The following GPC6 variants were observed in gnomAD, a reference collection of about 807,000 sequenced individuals.
GPC6 encodes glypican 6.
Under a neutral mutation model 55.2 loss-of-function variants are expected in GPC6, and 14 were observed. That is an observed-to-expected ratio of 0.25 (90% CI 0.17 to 0.40). GPC6 has a LOEUF of 0.40. Ranked by LOEUF, GPC6 falls within the 10% of genes least tolerant of loss-of-function variation. The pLI is 1.00. For synonymous variants in GPC6, 278 were observed against 259.6 expected (o/e 1.07, Z -0.68); for missense variants, 641 against 708.5 (o/e 0.90, Z 1.08).
intron 2 of GPC6, among the ~76,000 whole-genome samples, chr13:93,652,821 T>A (rs1311411001): frequency 6.6e-6 from 1 of 152,230 alleles, no homozygotes; most frequent in Non-Finnish European, 1.5e-5. Context: ...AGACTTTGAA[T>A]GTTACATTTT....
At chr13:93,883,000 C>G (rs1875090932) in intron 3 of GPC6, among the ~76,000 whole-genome samples, 1 of 151,986 alleles carries the variant, frequency 6.6e-6, no homozygotes, top group Admixed American at 6.6e-5. Context: ...TTTCCAGGGC[C>G]TTGAATCTCT....
At position 94,407,631 on chromosome 13, in the gene GPC6, G is replaced by A. The variant is rs569167860; in HGVS notation, c.*4414G>A. 3.9e-5 allele frequency among the ~76,000 whole-genome samples: 6 copies of A among 152,246 alleles called. No homozygotes were observed. The highest frequency in any genetic ancestry group is 1.2e-4 in the African/African-American group (5 of 41,570). On this transcript the variant is annotated 3_prime_UTR_variant, in exon 9 of 9. Transcript: ENST00000377047. Reference sequence around the variant, plus strand: ...AAATGTGTATGGAAAATACTGTAGCGCTGTTCTTTTGTACTGATTTCTTCT... The same window carrying A: ...AAATGTGTATGGAAAATACTGTAGCACTGTTCTTTTGTACTGATTTCTTCT...
At chr13:94,210,100 A>G (rs1890032746) in intron 4 of GPC6, among the ~76,000 whole-genome samples, 1 of 151,748 alleles carries the variant, frequency 6.6e-6, no homozygotes, top group Non-Finnish European at 1.5e-5. Context: ...CTCCCTCCTT[A>G]GTCTCACAAA....
intron 1 of GPC6, among the ~76,000 whole-genome samples, chr13:93,471,339 C>A (rs1879104816): frequency 7.2e-6 from 1 of 139,546 alleles, no homozygotes; most frequent in African/African-American, 2.7e-5. Flanking sequence ...GTGGTGAAAC[C>A]CTGTCTCTTC....
At chr13:93,390,256 C>A (rs1389292972) in intron 1 of GPC6, among the ~76,000 whole-genome samples, 2 of 151,952 alleles carry the variant, frequency 1.3e-5, no homozygotes, top group African/African-American at 4.8e-5. Flanking sequence ...TATTGGTAAA[C>A]CGTTCTGGGA....
chr13:93,956,184 ACT>A (rs1209011804), intron 3 of GPC6, among the ~76,000 whole-genome samples: 5 of 151,476 alleles, frequency 3.3e-5, no homozygotes, highest in African/African-American at 1.2e-4. Flanking sequence ...TTCTTCTCTC[ACT>A]CTCTCCACTG....
At chr13:93,264,421 AT>A (rs1426764006) in intron 1 of GPC6, among the ~76,000 whole-genome samples, 1 of 151,940 alleles carries the variant, frequency 6.6e-6, no homozygotes, top group African/African-American at 2.4e-5. Flanking sequence ...ATTTATTATT[AT>A]TTTTTGAGAC....
intron 1 of GPC6, among the ~76,000 whole-genome samples, chr13:93,299,329 G>A (rs1336370467): frequency 6.6e-6 from 1 of 152,200 alleles, no homozygotes; most frequent in Non-Finnish European, 1.5e-5. Flanking sequence ...GCAGTGCAGA[G>A]CAATGTAATA....
At chr13:94,029,506 A>T (rs990679122) in intron 4 of GPC6, among the ~76,000 whole-genome samples, 2 of 152,220 alleles carry the variant, frequency 1.3e-5, no homozygotes, top group Admixed American at 6.5e-5. Flanking sequence ...TACCCAACTA[A>T]TGCTGATAAA....
intron 4 of GPC6, among the ~76,000 whole-genome samples, chr13:94,210,310 C>T (rs904825556): frequency 6.6e-6 from 1 of 152,038 alleles, no homozygotes; most frequent in Non-Finnish European, 1.5e-5. Context: ...GTTTCTGCCA[C>T]CACGCCCAGC....
intron 4 of GPC6, among the ~76,000 whole-genome samples, chr13:94,091,284 T>C (rs1276405617): frequency 6.6e-6 from 1 of 152,144 alleles, no homozygotes; most frequent in Non-Finnish European, 1.5e-5. Context: ...CTTGGATTCT[T>C]GCCATTTCTG....
intron 4 of GPC6, among the ~76,000 whole-genome samples, chr13:94,243,316 G>A (rs1891108978): frequency 6.6e-6 from 1 of 152,008 alleles, no homozygotes; most frequent in African/African-American, 2.4e-5. Flanking sequence ...CATTCTCAGG[G>A]AAAACTAAGG....
At chr13:94,231,350 G>A (rs546814616) in intron 4 of GPC6, among the ~76,000 whole-genome samples, 8 of 152,222 alleles carry the variant, frequency 5.3e-5, no homozygotes, top group African/African-American at 1.7e-4. Context: ...AATTAAAAAC[G>A]ATCCTATTGG....
At chr13:93,435,485 G>C (rs1329735924) in intron 1 of GPC6, among the ~76,000 whole-genome samples, 1 of 150,784 alleles carries the variant, frequency 6.6e-6, no homozygotes, top group East Asian at 1.9e-4. Context: ...TAATTTGTTT[G>C]CTTTGTTTAG....
At chr13:93,300,337 C>T (rs1566286987) in intron 1 of GPC6, among the ~76,000 whole-genome samples, 3 of 152,050 alleles carry the variant, frequency 2.0e-5, no homozygotes. Flanking sequence ...TCAGCAAGTT[C>T]CTTTTGTGAA....
rs143512961 is a variant in GPC6, at chr13:93,630,555, G to A, written c.319+85134G>A. Among the ~76,000 whole-genome samples the A allele has an allele frequency of 5.1e-3, 771 of 152,234 alleles. 10 individuals are homozygous for A. Among genetic ancestry groups the A allele is most frequent in the African/African-American group, 0.014 (563 of 41,536 alleles). Reference sequence around the variant, plus strand: ...TAGTTTTTCTTCCTGGAAAAATAGTGTAGGAGTTCTTCAGGAGCCAATCCT... The same window carrying A: ...TAGTTTTTCTTCCTGGAAAAATAGTATAGGAGTTCTTCAGGAGCCAATCCT... On this transcript the variant is annotated intron_variant, in intron 2 of 8. Transcript: ENST00000377047.
At chr13:93,786,196 G>A (rs866866828) in intron 2 of GPC6, among the ~76,000 whole-genome samples, 6 of 152,070 alleles carry the variant, frequency 3.9e-5, no homozygotes, top group African/African-American at 1.4e-4. Context: ...AGACAAAACA[G>A]CAACAACCTT....
At chr13:93,401,901 G>A (rs544456298) in intron 1 of GPC6, among the ~76,000 whole-genome samples, 2 of 151,968 alleles carry the variant, frequency 1.3e-5, no homozygotes, top group Non-Finnish European at 2.9e-5. Context: ...TAAGAATAAG[G>A]TTGGGGGAAG....
chr13:93,506,756 G>A (rs1457894165), intron 1 of GPC6, among the ~76,000 whole-genome samples: 2 of 151,900 alleles, frequency 1.3e-5, no homozygotes, highest in Non-Finnish European at 2.9e-5. Context: ...AAAGCCCGGA[G>A]TAGGCCGGGC....
Sources: allele counts gnomAD v4.1 joint callset (sites outside exome capture counted in the v4.1 genomes callset), GRCh38; gene constraint gnomAD v4.1.1; transcripts MANE v1.5; gene names NCBI Gene and HGNC (gene_info 2026-07-23, HGNC 2026-07-21).